SLC44A1: variants seen among roughly 807,000 people sequenced by gnomAD.
SLC44A1 encodes solute carrier family 44 member 1, also known as choline transporter-like protein 1.
In SLC44A1, 26 loss-of-function variants were observed where a neutral mutation model predicts 79.3. That is an observed-to-expected ratio of 0.33 (90% CI 0.24 to 0.46). The LOEUF is 0.46. Ranked by LOEUF, SLC44A1 falls within the 20% of genes least tolerant of loss-of-function variation. The probability of loss-of-function intolerance (pLI) is 1.00; values close to 1 mark genes in which losing one functional copy is unlikely to be tolerated. For synonymous variants in SLC44A1, 263 were observed against 286.2 expected (o/e 0.92, Z 0.82); for missense variants, 688 against 798.1 (o/e 0.86, Z 1.66).
chr9:105,373,976 C>G (rs1564465784), intron 12 of SLC44A1, among the ~76,000 whole-genome samples: 1 of 152,138 alleles, frequency 6.6e-6, no homozygotes, highest in Non-Finnish European at 1.5e-5. Flanking sequence ...ATCCCCAGAG[C>G]TGGAGGTAGT....
At chr9:105,411,328 C>T (rs1254345435) in intron 15 of SLC44A1, among the ~76,000 whole-genome samples, 1 of 151,452 alleles carries the variant, frequency 6.6e-6, no homozygotes, top group South Asian at 2.1e-4. Context: ...CTCATTTCCA[C>T]TCCTCTATCC....
chr9:105,419,113 C>T (rs1829211544), intron 15 of SLC44A1, among the ~76,000 whole-genome samples: 1 of 152,088 alleles, frequency 6.6e-6, no homozygotes, highest in Non-Finnish European at 1.5e-5. Flanking sequence ...AAAAGATTTA[C>T]AAGCTGAAGA....
intron 3 of SLC44A1, among the ~76,000 whole-genome samples, chr9:105,331,518 A>G (rs1007545590): frequency 2.0e-5 from 3 of 151,544 alleles, no homozygotes; most frequent in African/African-American, 7.2e-5. Flanking sequence ...TGAAAAACTA[A>G]TGTAAGCATT....
intron 3 of SLC44A1, 69 bp downstream of exon 3, chr9:105,309,935 C>G (rs1386753468): frequency 6.7e-7 from 1 of 1,483,668 alleles, no homozygotes; most frequent in Non-Finnish European, 9.2e-7. Context: ...TCCTGCTGTT[C>G]TTGCTGTTTT....
In SLC44A1 at chr9:105,372,444, C is replaced by T. The variant is rs530152637; in HGVS notation, c.1495-2154C>T. On this transcript the variant is annotated intron_variant, in intron 12 of 15. Transcript: ENST00000374720. The stretch of plus-strand genomic sequence containing the variant: ...CCGGGATTACAGGCGCATGCCAGCA[C>T]GCCCGGCTAATTTTTTTGTATTTTC... Among the ~76,000 whole-genome samples the T allele has an allele frequency of 2.0e-5, 3 of 151,962 alleles. No homozygotes were observed. The South Asian group carries it at 6.2e-4, about 32-fold the overall frequency.
At chr9:105,327,921 A>C (rs1457832501) in intron 3 of SLC44A1, among the ~76,000 whole-genome samples, 1 of 152,188 alleles carries the variant, frequency 6.6e-6, no homozygotes, top group Non-Finnish European at 1.5e-5. Flanking sequence ...GGAGACACTT[A>C]GTTGTGTGGT....
At chr9:105,388,500 T>A (rs1033361770) in intron 15 of SLC44A1, among the ~76,000 whole-genome samples, 3 of 152,348 alleles carry the variant, frequency 2.0e-5, no homozygotes, top group South Asian at 2.1e-4. Context: ...TAATTTAGGC[T>A]TCATTTTTAG....
intron 9 of SLC44A1, among the ~76,000 whole-genome samples, 178 bp downstream of exon 9, chr9:105,363,185 CAG>C (rs1354158694): frequency 3.3e-5 from 5 of 150,900 alleles, no homozygotes; most frequent in Middle Eastern, 3.4e-3. Context: ...TTTTTTGAGA[CAG>C]AGTCTTGCTC....
Position 105,348,354 on chromosome 9 carries a change from A to G in SLC44A1, c.407-4A>G. The stretch of plus-strand genomic sequence containing the variant: ...GCCACCTAACATAATTTTTCTTTCA[A>G]CAGGTTCAGCCCTATGTAGCTACAA... On this transcript the variant is annotated splice_polypyrimidine_tract_variant and splice_region_variant and intron_variant, in intron 4 of 15. Coordinates refer to ENST00000374720, the MANE Select transcript of SLC44A1 (RefSeq NM_080546.5). 1 of 1,569,720 alleles carries G rather than the reference A, an allele frequency of 6.4e-7. No individual in the cohort carries two copies. The highest frequency in any genetic ancestry group is 1.4e-5 in the African/African-American group (1 of 74,014).
intron 3 of SLC44A1, among the ~76,000 whole-genome samples, chr9:105,319,251 AC>A (rs1826307687): frequency 6.6e-6 from 1 of 152,138 alleles, no homozygotes; most frequent in African/African-American, 2.4e-5. Context: ...TGCCAGGAAG[AC>A]TTGCAGAACT....
At chr9:105,417,839 CAAAA>C (rs146589405) in intron 15 of SLC44A1, among the ~76,000 whole-genome samples, 3,637 of 57,926 alleles carry the variant, frequency 0.063, 148 homozygotes, top group African/African-American at 0.15. Flanking sequence ...CTCATCCCTA[CAAAA>C]AAAAAAAAAA....
At chr9:105,364,191 TATA>T (rs1040118241) in intron 9 of SLC44A1, among the ~76,000 whole-genome samples, 1 of 152,228 alleles carries the variant, frequency 6.6e-6, no homozygotes, top group African/African-American at 2.4e-5. Flanking sequence ...AGCAACTGAA[TATA>T]ATAATAATTT....
chr9:105,409,842 T>C (rs968831508), intron 15 of SLC44A1, among the ~76,000 whole-genome samples: 1 of 152,162 alleles, frequency 6.6e-6, no homozygotes, highest in African/African-American at 2.4e-5. Flanking sequence ...AATAGAAGAC[T>C]TGAAGAGCAT....
chr9:105,248,048 C>G (rs934025666), intron 1 of SLC44A1, among the ~76,000 whole-genome samples: 2 of 152,198 alleles, frequency 1.3e-5, no homozygotes, highest in African/African-American at 2.4e-5. Flanking sequence ...GCAGTGGCTA[C>G]AACATCTTAA....
chr9:105,351,592 GAAAGAGAAAGAAAGAAAGAAAGAAAGAA>G lies in SLC44A1; in HGVS notation c.500+3143_500+3170del, dbSNP rs1487561148. The stretch of plus-strand genomic sequence containing the variant: ...AGAAAGAGAGAAAGAGAGAAAGAGA[GAAAGAGAAAGAAAGAAAGAAAGAAAGAA>G]AGAGAGAGAAAGAGAAAGAAAGAAA... On this transcript the variant is annotated intron_variant, in intron 5 of 15. Coordinates refer to ENST00000374720, the MANE Select transcript of SLC44A1 (RefSeq NM_080546.5). Among the ~76,000 whole-genome samples the G allele has an allele frequency of 3.9e-3, 470 of 121,742 alleles. 11 individuals carry two copies. Among genetic ancestry groups the G allele is most frequent in the African/African-American group, 0.016 (437 of 27,284 alleles). 79.9% of individuals were successfully genotyped at this position (121,742 alleles called of 152,430 possible). A position where few individuals can be genotyped will look rare whatever the true frequency, so the allele number is the denominator to read the frequency against.
chr9:105,287,407 G>T (rs777376316), intron 1 of SLC44A1, among the ~76,000 whole-genome samples: 12 of 152,058 alleles, frequency 7.9e-5, no homozygotes, highest in Non-Finnish European at 1.8e-4. Flanking sequence ...GTACTCATTC[G>T]TTGCTTCTGG....
At chr9:105,421,994 A>G (rs1050640326) in intron 15 of SLC44A1, among the ~76,000 whole-genome samples, 2 of 152,198 alleles carry the variant, frequency 1.3e-5, no homozygotes, top group African/African-American at 4.8e-5. Context: ...AGAAGTGACT[A>G]CAGTACTGAG....
chr9:105,383,245 C>T lies in SLC44A1; in HGVS notation c.1755C>T (p.Cys585=). 1.2e-6 allele frequency: 2 copies of T among 1,613,802 alleles called. No individual in the cohort carries two copies. The highest frequency in any genetic ancestry group is 1.7e-6 in the Non-Finnish European group (2 of 1,179,738). ...TCTTTGCTTTCCTAGTCGCTCATTG[C>T]TTCCTGTCTATTTATGAAATGGTAG... The part of the protein sequence containing the change: ...VCLFAFLVAH[C]FLSIYEMVVD... The change falls in exon 14 of 16, where the codon TGC becomes TGT. Residue 585 remains cysteine (C), a synonymous_variant. Coordinates refer to ENST00000374720, the MANE Select transcript of SLC44A1 (RefSeq NM_080546.5).
chr9:105,273,183 G>A (rs1274365596), intron 1 of SLC44A1, among the ~76,000 whole-genome samples: 1 of 152,014 alleles, frequency 6.6e-6, no homozygotes, highest in African/African-American at 2.4e-5. Context: ...GTAGAGACAG[G>A]GTTTTGTCAT....
Sources: allele counts gnomAD v4.1 joint callset (sites outside exome capture counted in the v4.1 genomes callset), GRCh38; gene constraint gnomAD v4.1.1; transcripts MANE v1.5; gene names NCBI Gene and HGNC (gene_info 2026-07-23, HGNC 2026-07-21).